Variants in FBXL7 observed in about 807,000 individuals in gnomAD.
FBXL7 encodes F-box/LRR-repeat protein 7.
FBXL7 carries 12 observed loss-of-function variants against 38.3 expected under a neutral mutation model. The ratio of observed to expected loss-of-function variants is 0.31; its 90% CI spans 0.20 to 0.51. The LOEUF (loss-of-function observed/expected upper bound fraction) is 0.51. Ranked by LOEUF, FBXL7 falls within the 20% of genes least tolerant of loss-of-function variation. FBXL7 has a pLI of 0.98. For missense variants in FBXL7, 567 were observed against 676.4 expected (o/e 0.84, Z 1.79); for synonymous variants, 297 against 300.9 (o/e 0.99, Z 0.13).
intron 2 of FBXL7, among the ~76,000 whole-genome samples, chr5:15,818,260 C>G (rs1014196993): frequency 2.0e-5 from 3 of 152,170 alleles, no homozygotes; most frequent in Non-Finnish European, 4.4e-5. Flanking sequence ...GCTAGAGATA[C>G]AGTGGCTTTT....
In FBXL7 at chr5:15,640,955, G is replaced by A. The variant is rs557015333; in HGVS notation, c.127+24883G>A. Among the ~76,000 whole-genome samples the A allele has an allele frequency of 1.4e-3, 214 of 152,278 alleles. 2 individuals carry two copies. The highest frequency in any genetic ancestry group is 9.1e-3 in the South Asian group (44 of 4,824). On this transcript the variant is annotated intron_variant, in intron 2 of 3. Coordinates refer to ENST00000504595, the MANE Select transcript of FBXL7 (RefSeq NM_012304.5). ...CACCAGGGTAAGAGGAGCCCGTGTA[G>A]CTTAAGGACATGCTGCAGCATCTCA...
chr5:15,621,702 A>T (rs549622763), intron 2 of FBXL7, among the ~76,000 whole-genome samples: 3 of 152,306 alleles, frequency 2.0e-5, no homozygotes, highest in African/African-American at 7.2e-5. Context: ...TTAAAGGTCA[A>T]ATTTGATTGG....
chr5:15,779,499 C>CA (rs1416212415), intron 2 of FBXL7, among the ~76,000 whole-genome samples: 2 of 151,636 alleles, frequency 1.3e-5, no homozygotes, highest in East Asian at 1.9e-4. Flanking sequence ...AAAAAGCTAT[C>CA]AAAAAAAGAA....
At chr5:15,744,937 G>A (rs777023471) in intron 2 of FBXL7, among the ~76,000 whole-genome samples, 4 of 152,060 alleles carry the variant, frequency 2.6e-5, no homozygotes, top group South Asian at 4.1e-4. Flanking sequence ...TCACTATCAC[G>A]AGAACAACAT....
intron 2 of FBXL7, among the ~76,000 whole-genome samples, chr5:15,917,738 A>G (rs963159893): frequency 6.6e-6 from 1 of 151,166 alleles, no homozygotes; most frequent in Admixed American, 6.6e-5. Flanking sequence ...GCGAAATACT[A>G]CTGCCTGCCA....
intron 2 of FBXL7, among the ~76,000 whole-genome samples, chr5:15,854,137 TAAGAG>T (rs998895597): frequency 3.3e-5 from 5 of 152,134 alleles, no homozygotes; most frequent in African/African-American, 1.2e-4. Context: ...TCAGCAGAAA[TAAGAG>T]AGAGAGGCAG....
At chr5:15,576,455 G>C (rs1212498600) in intron 1 of FBXL7, among the ~76,000 whole-genome samples, 2 of 152,142 alleles carry the variant, frequency 1.3e-5, no homozygotes, top group Non-Finnish European at 2.9e-5. Context: ...CCCAGAATAT[G>C]AAGGGAGGTG....
Position 15,927,898 on chromosome 5 carries a change from C to A in FBXL7, c.136C>A (p.Leu46Met). The change falls in exon 3 of 4, where the codon CTG (leucine) becomes ATG (methionine). Residue 46 changes from leucine to methionine, a missense_variant. Leu to Met is a conservative substitution (Grantham distance 15, BLOSUM62 2). Coordinates refer to ENST00000504595, the MANE Select transcript of FBXL7 (RefSeq NM_012304.5). ...TCTCTGTCCTTTGCCAGACTCCGAC[C>A]TGAGCATGCGCACACTGAGCACGCC... ...KNVATSEDSD[L>M]SMRTLSTPSP... 6.6e-7 allele frequency: 1 copy of A among 1,520,514 alleles called. No individual in the cohort carries two copies. Among genetic ancestry groups the A allele is most frequent in the Non-Finnish European group, 8.8e-7 (1 of 1,134,106 alleles). 94.2% of individuals were successfully genotyped at this position (1,520,514 alleles called of 1,614,324 possible).
rs952292649 is a variant in FBXL7 at position 15,928,713 on chromosome 5, T to C, written c.739+212T>C. On this transcript the variant is annotated intron_variant, in intron 3 of 3. Transcript: ENST00000504595. The surrounding 1 kb of genome is among the most constrained non-coding windows in gnomAD (Gnocchi z 4.0). ...CCTTTCATCAAATAATGTCCACTTCTTTTTTTTTTATTATTATACTTTAAG... is the reference window on the plus strand; with the variant it reads ...CCTTTCATCAAATAATGTCCACTTCCTTTTTTTTTATTATTATACTTTAAG... Among the ~76,000 whole-genome samples, 3 of 149,510 alleles carry C rather than the reference T, an allele frequency of 2.0e-5. No individual in the cohort carries two copies. Among genetic ancestry groups the C allele is most frequent in the African/African-American group, 7.4e-5 (3 of 40,726 alleles).
chr5:15,620,275 C>A lies in FBXL7; in HGVS notation c.127+4203C>A, dbSNP rs533845019. 7.3e-5 allele frequency among the ~76,000 whole-genome samples: 11 copies of A among 149,868 alleles called. No individual in the cohort carries two copies. In the East Asian group the frequency reaches 1.8e-3, roughly 24 times the overall value. On this transcript the variant is annotated intron_variant, in intron 2 of 3. Transcript: ENST00000504595. ...GAGACAGAGTTTCACTCTTGTTGCC[C>A]AATCTGGAGTGCAGTGGCTCAATCT...
chr5:15,783,996 C>G (rs1737069610), intron 2 of FBXL7, among the ~76,000 whole-genome samples: 2 of 152,218 alleles, frequency 1.3e-5, no homozygotes, highest in South Asian at 4.2e-4. Context: ...GGTGAGCACT[C>G]AGGTCTAGCA....
chr5:15,831,827 G>C (rs897407144), intron 2 of FBXL7, among the ~76,000 whole-genome samples: 15 of 152,098 alleles, frequency 9.9e-5, no homozygotes, highest in African/African-American at 3.4e-4. Flanking sequence ...GAAGACAATA[G>C]ACACCTATCT....
intron 2 of FBXL7, among the ~76,000 whole-genome samples, chr5:15,896,280 C>T (rs1741102159): frequency 6.6e-6 from 1 of 152,180 alleles, no homozygotes; most frequent in Non-Finnish European, 1.5e-5. Flanking sequence ...CCCACCTCGT[C>T]TACTTTTGAC....
intron 1 of FBXL7, chr5:15,607,445 C>T (rs186980745): frequency 6.6e-6 from 1 of 152,224 alleles, no homozygotes; most frequent in Non-Finnish European, 1.5e-5. Flanking sequence ...CTGTTATGCC[C>T]TTTATCTTGC....
At chr5:15,778,352 T>C (rs1736909877) in intron 2 of FBXL7, among the ~76,000 whole-genome samples, 1 of 152,148 alleles carries the variant, frequency 6.6e-6, no homozygotes, top group Non-Finnish European at 1.5e-5. Context: ...TCAAATTTCC[T>C]GCTCCTCAAC....
chr5:15,692,416 CG>C (rs1203809101), intron 2 of FBXL7, among the ~76,000 whole-genome samples: 2 of 152,260 alleles, frequency 1.3e-5, no homozygotes, highest in Middle Eastern at 3.4e-3. Context: ...ACATCTGCAG[CG>C]GACTTTGGCC....
At chr5:15,906,512 AAT>A (rs201612258) in intron 2 of FBXL7, among the ~76,000 whole-genome samples, 2,657 of 146,086 alleles carry the variant, frequency 0.018, 112 homozygotes, top group African/African-American at 0.067. Flanking sequence ...ATCCACAAAA[AAT>A]TTTTTTTTTT....
intron 2 of FBXL7, among the ~76,000 whole-genome samples, chr5:15,856,189 G>A (rs187835483): frequency 1.2e-3 from 189 of 152,058 alleles, no homozygotes; most frequent in African/African-American, 4.3e-3. Context: ...ATGCAAAAGC[G>A]GAAACCCCTG....
intron 2 of FBXL7, among the ~76,000 whole-genome samples, chr5:15,733,303 G>A (rs2126665942): frequency 6.6e-6 from 1 of 152,230 alleles, no homozygotes; most frequent in African/African-American, 2.4e-5. Flanking sequence ...ACCTTGGCCA[G>A]GCTGGTCTTG....
Sources: gnomAD v4.1 joint callset for allele counts (sites outside exome capture counted in the v4.1 genomes callset) on GRCh38, gnomAD v4.1.1 for gene constraint, Gnocchi (gnomAD v3.1) non-coding constraint, MANE v1.5 for transcripts, NCBI Gene and HGNC (gene_info 2026-07-23, HGNC 2026-07-21) for gene names.